Variants in PRH1 observed in about 807,000 individuals in gnomAD.
PRH1 encodes the protein salivary acidic proline-rich phosphoprotein 1/2.
In PRH1, 7 loss-of-function variants were observed where a neutral mutation model predicts 7.9. The observed-to-expected ratio is 0.89, with a 90% confidence interval of 0.50 to 1.67. The LOEUF (loss-of-function observed/expected upper bound fraction) is 1.67, where lower values mean the gene tolerates loss of function less well. Among genes scored for constraint, PRH1 ranks in the 40% most tolerant of loss-of-function variants. The probability of loss-of-function intolerance (pLI) is 0.00; values close to 1 mark genes in which losing one functional copy is unlikely to be tolerated. For synonymous variants in PRH1, 45 were observed against 80.8 expected, an observed-to-expected ratio of 0.56 and a Z score of 2.38; for missense variants, 109 against 223.6, an observed-to-expected ratio of 0.49 and a Z score of 3.27.
At chr12:10,962,372 CAA>C (rs904887358) in intron 2 of PRH1, among the ~76,000 whole-genome samples, 5 of 151,888 alleles carry the variant, frequency 3.3e-5, no homozygotes, top group African/African-American at 9.7e-5. Context: ...TACAAATATC[CAA>C]AAGTCTTTTA....
chr12:10,967,881 G>A lies in PRH1; in HGVS notation c.-59+5774C>T, dbSNP rs181639562. 4.6e-3 allele frequency among the ~76,000 whole-genome samples: 697 copies of A among 152,330 alleles called. 3 individuals are homozygous for A. Among genetic ancestry groups the A allele is most frequent in the Non-Finnish European group, 8.3e-3 (566 of 68,034 alleles). On this transcript the variant is annotated intron_variant, in intron 2 of 3. Transcript: ENST00000539853. ...AAGTGAGAGATCAAAGAGGTGAGGG[G>A]AAACTTACATTTGATTTGTTTAGTC...
At chr12:10,908,589 A>G (rs1396460322) in intron 2 of PRH1, 3 of 1,614,006 alleles carry the variant, frequency 1.9e-6, no homozygotes, top group Non-Finnish European at 1.7e-6. Context: ...GAATAAAAGG[A>G]ATGAGATCAC....
chr12:10,997,296 A>G lies in PRH1; in HGVS notation c.-125-23575T>C, dbSNP rs776261559. 6.2e-6 allele frequency: 10 copies of G among 1,614,022 alleles called. No homozygotes were observed. In the Admixed American group the frequency reaches 1.7e-4, roughly 27 times the overall value. Reference sequence around the variant, plus strand: ...AGAGAGTAGATTAACAGCAGAAAAGATATCAGGGTCAGAGTGAATGGTATC... The same window carrying G: ...AGAGAGTAGATTAACAGCAGAAAAGGTATCAGGGTCAGAGTGAATGGTATC... On this transcript the variant is annotated intron_variant, in intron 1 of 3. Coordinates refer to the PRH1 transcript ENST00000539853.
chr12:11,126,802 T>G (rs1487215297), intron 1 of PRH1, among the ~76,000 whole-genome samples: 1 of 152,188 alleles, frequency 6.6e-6, no homozygotes, highest in Non-Finnish European at 1.5e-5. Flanking sequence ...TAAGGCAAAT[T>G]TTAGCATTGT....
At chr12:11,136,343 C>T (rs963823424) in intron 1 of PRH1, among the ~76,000 whole-genome samples, 9 of 151,978 alleles carry the variant, frequency 5.9e-5, no homozygotes, top group East Asian at 5.8e-4. Context: ...TATATTGTTC[C>T]GTTGCATGGA....
At chr12:11,104,729 T>C (rs1945361321) in intron 1 of PRH1, among the ~76,000 whole-genome samples, 1 of 150,530 alleles carries the variant, frequency 6.6e-6, no homozygotes, top group Non-Finnish European at 1.5e-5. Flanking sequence ...AATGAGATAA[T>C]GCCATACTCA....
At chr12:10,907,162 C>T (rs1376303847) in intron 2 of PRH1, among the ~76,000 whole-genome samples, 2 of 152,122 alleles carry the variant, frequency 1.3e-5, no homozygotes, top group African/African-American at 2.4e-5. Context: ...TGAAATGGTG[C>T]AACCACTCTA....
intron 2 of PRH1, among the ~76,000 whole-genome samples, chr12:10,926,149 G>C (rs1194500957): frequency 6.6e-6 from 1 of 152,148 alleles, no homozygotes. Context: ...TTTTAGACAA[G>C]TCAAAGCAAA....
At chr12:11,011,093 A>G (rs1378440436) in intron 1 of PRH1, among the ~76,000 whole-genome samples, 2 of 152,100 alleles carry the variant, frequency 1.3e-5, no homozygotes, top group African/African-American at 4.8e-5. Flanking sequence ...AAAGTAGTCT[A>G]TAAGTTTAAC....
Position 11,086,104 on chromosome 12 carries a change from T to TCCC in PRH1, n.124-38919_124-38917dup, listed in dbSNP as rs144220978. On this transcript the variant is annotated intron_variant and non_coding_transcript_variant, in intron 1 of 4. Transcript: ENST00000541977. ...AACAAGCTCATTAACATAAACACAT[T>TCCC]CCCCCCCCCACACACACACCCCTCA... Among the ~76,000 whole-genome samples, 109 of 110,406 alleles carry TCCC rather than the reference T, an allele frequency of 9.9e-4. 3 individuals carry two copies. The highest frequency in any genetic ancestry group is 3.6e-3 in the African/African-American group (107 of 29,874). 72.4% of individuals were successfully genotyped at this position (110,406 alleles called of 152,430 possible). A position where few individuals can be genotyped will look rare whatever the true frequency, so the allele number is the denominator to read the frequency against.
At chr12:10,928,540 A>G (rs1209561769) in intron 2 of PRH1, among the ~76,000 whole-genome samples, 1 of 152,174 alleles carries the variant, frequency 6.6e-6, no homozygotes, top group Admixed American at 6.5e-5. Flanking sequence ...ATCCCTAAAG[A>G]TATTTTTTAA....
chr12:11,146,293 T>C lies in PRH1; in HGVS notation n.40-25113A>G, dbSNP rs556342049. ...TAGTTTTTTTACTGAATCTAAAGTG[T>C]TTCCCAGGCCCTTAGCATAATAAAC... On this transcript the variant is annotated intron_variant and non_coding_transcript_variant, in intron 1 of 1. Coordinates refer to the PRH1 transcript ENST00000541175. Among the ~76,000 whole-genome samples the C allele has an allele frequency of 1.2e-4, 19 of 152,116 alleles. No homozygotes were observed. In the South Asian group the frequency reaches 2.5e-3, roughly 20 times the overall value.
intron 2 of PRH1, among the ~76,000 whole-genome samples, chr12:10,969,461 T>C (rs1331757208): frequency 6.6e-6 from 1 of 152,166 alleles, no homozygotes; most frequent in African/African-American, 2.4e-5. Flanking sequence ...ACCCGCCCTT[T>C]TCTGTCTAGA....
At chr12:10,973,553 T>A in intron 2 of PRH1, 1 of 653,566 alleles carries the variant, frequency 1.5e-6, no homozygotes, top group South Asian at 1.8e-5. Context: ...GTTAGTACAC[T>A]ACTTGTATAA....
intron 2 of PRH1, among the ~76,000 whole-genome samples, chr12:10,939,734 C>T (rs987182080): frequency 2.6e-5 from 4 of 151,828 alleles, no homozygotes; most frequent in African/African-American, 9.7e-5. Flanking sequence ...CTCAGTTAGA[C>T]AAGAGGAATA....
At chr12:10,948,871 G>T (rs895728218) in intron 2 of PRH1, among the ~76,000 whole-genome samples, 1 of 152,134 alleles carries the variant, frequency 6.6e-6, no homozygotes, top group East Asian at 1.9e-4. Flanking sequence ...CTTCAAAGGG[G>T]GTTATGTTAG....
At chr12:11,102,646 G>T (rs1054926714) in intron 1 of PRH1, among the ~76,000 whole-genome samples, 3 of 152,036 alleles carry the variant, frequency 2.0e-5, no homozygotes, top group East Asian at 3.9e-4. Flanking sequence ...GGACTTCATG[G>T]CTAAAACACC....
chr12:11,078,484 C>A, intron 1 of PRH1: 1 of 138,108 alleles, frequency 7.2e-6, no homozygotes, highest in Non-Finnish European at 1.6e-5. Flanking sequence ...ATTCACTCCT[C>A]TTCATATACT....
In PRH1 at chr12:11,081,494, T is replaced by G. The variant is rs1195829712; in HGVS notation, n.124-34306A>C. On this transcript the variant is annotated intron_variant and non_coding_transcript_variant, in intron 1 of 4. Coordinates refer to the PRH1 transcript ENST00000541977. Reference sequence around the variant, plus strand: ...GTGGTTTTCTTCATTTCCCAATAGTTTGCTGAGAGAATAGAATAAAAGCTT... The same window carrying G: ...GTGGTTTTCTTCATTTCCCAATAGTGTGCTGAGAGAATAGAATAAAAGCTT... 3.5e-5 allele frequency among the ~76,000 whole-genome samples: 4 copies of G among 115,446 alleles called. 2 individuals are homozygous for G. Among genetic ancestry groups the G allele is most frequent in the African/African-American group, 1.2e-4 (4 of 34,610 alleles). The allele number at this position is 115,446 out of a possible 152,430, so 75.7% of individuals were successfully genotyped here.
Sources: gnomAD v4.1 joint callset for allele counts (sites outside exome capture counted in the v4.1 genomes callset) on GRCh38, gnomAD v4.1.1 for gene constraint, MANE v1.5 for transcripts, NCBI Gene and HGNC (gene_info 2026-07-23, HGNC 2026-07-21) for gene names.